Variants in ERI3 observed in about 807,000 individuals in gnomAD.
The protein encoded by ERI3 is ERI1 exoribonuclease 3.
Under a neutral mutation model 44.4 loss-of-function variants are expected in ERI3, and 18 were observed. The ratio of observed to expected loss-of-function variants is 0.41; its 90% CI spans 0.28 to 0.60. The LOEUF is 0.60. Among genes scored for constraint, ERI3 ranks in the 20% least tolerant of loss-of-function variants. ERI3 has a pLI of 0.36. For synonymous variants in ERI3, 183 were observed against 164.8 expected, an observed-to-expected ratio of 1.11 and a Z score of -0.84; for missense variants, 294 against 435.5, an observed-to-expected ratio of 0.68 and a Z score of 2.89.
intron 5 of ERI3, among the ~76,000 whole-genome samples, chr1:44,312,352 C>T (rs919237933): frequency 6.6e-6 from 1 of 152,144 alleles, no homozygotes; most frequent in Non-Finnish European, 1.5e-5. Context: ...TTTTTCTCTT[C>T]TCCCCTCCCC....
At chr1:44,337,935 T>C (rs1014680978) in intron 3 of ERI3, among the ~76,000 whole-genome samples, 3 of 152,050 alleles carry the variant, frequency 2.0e-5, no homozygotes, top group African/African-American at 7.2e-5. Context: ...CCTAACCCTA[T>C]AGAGAAGAGT....
At chr1:44,347,118 TCCC>T (rs1316191241) in intron 2 of ERI3, among the ~76,000 whole-genome samples, 1 of 152,110 alleles carries the variant, frequency 6.6e-6, no homozygotes, top group Non-Finnish European at 1.5e-5. Flanking sequence ...GGCCCACATT[TCCC>T]CACATGACTG....
At chr1:44,348,628 CA>C (rs1289784526) in intron 2 of ERI3, among the ~76,000 whole-genome samples, 1 of 152,302 alleles carries the variant, frequency 6.6e-6, no homozygotes, top group Admixed American at 6.5e-5. Flanking sequence ...GTCTGCTTCC[CA>C]ACAGTTCTGG....
chr1:44,254,950 TA>T, intron 7 of ERI3, among the ~76,000 whole-genome samples: 1 of 151,932 alleles, frequency 6.6e-6, no homozygotes, highest in East Asian at 1.9e-4. Context: ...GCTTCTTCAT[TA>T]ACATTCAAGC....
chr1:44,280,355 C>G (rs1304314475), intron 7 of ERI3, among the ~76,000 whole-genome samples: 2 of 152,170 alleles, frequency 1.3e-5, no homozygotes, highest in Non-Finnish European at 2.9e-5. Context: ...ATTTAATACT[C>G]AGGAATTGGC....
rs528730718 is a variant in ERI3, at chr1:44,305,389, T to C, written c.758+2921A>G. Reference sequence around the variant, plus strand: ...AGCAGAGAAACAACACCAAACCCTATGGGAAGCTTCAAGAAACACCAAGCA... The same window carrying C: ...AGCAGAGAAACAACACCAAACCCTACGGGAAGCTTCAAGAAACACCAAGCA... On this transcript the variant is annotated intron_variant, in intron 6 of 8. Transcript: ENST00000372257. Among the ~76,000 whole-genome samples, 7 of 152,110 alleles carry C rather than the reference T, an allele frequency of 4.6e-5. No individual in the cohort carries two copies. The South Asian group carries it at 1.2e-3, about 27-fold the overall frequency.
intron 6 of ERI3, among the ~76,000 whole-genome samples, chr1:44,297,981 T>A (rs1645646037): frequency 1.3e-5 from 2 of 152,188 alleles, no homozygotes; most frequent in African/African-American, 4.8e-5. Context: ...CCTAGAGAAG[T>A]CCTGCCAAGG....
chr1:44,352,288 C>T (rs572151747), intron 2 of ERI3, among the ~76,000 whole-genome samples: 4 of 152,280 alleles, frequency 2.6e-5, no homozygotes, highest in African/African-American at 9.6e-5. Flanking sequence ...AATACATTAG[C>T]AAAAGCCAAA....
chr1:44,257,936 A>G (rs1644812926), intron 7 of ERI3, among the ~76,000 whole-genome samples: 1 of 152,120 alleles, frequency 6.6e-6, no homozygotes, highest in Non-Finnish European at 1.5e-5. Flanking sequence ...AAAACAGTCT[A>G]AGTTCTTATG....
Position 44,332,349 on chromosome 1 carries a change from GATA to G in ERI3, c.489+6693_489+6695del, listed in dbSNP as rs560570351. Among the ~76,000 whole-genome samples, 8 of 152,244 alleles carry G rather than the reference GATA, an allele frequency of 5.3e-5. No homozygotes were observed. In the South Asian group the frequency reaches 1.5e-3, roughly 28 times the overall value. ...ATCTCAGCCCTGGGGAGGCCATCAG[GATA>G]ATAAGAGGCTAGGGGGGATGTTTCC... On this transcript the variant is annotated intron_variant, in intron 3 of 8. Coordinates refer to ENST00000372257, the MANE Select transcript of ERI3 (RefSeq NM_024066.3).
intron 3 of ERI3, among the ~76,000 whole-genome samples, chr1:44,323,579 A>G (rs1646246974): frequency 6.6e-6 from 1 of 152,334 alleles, no homozygotes; most frequent in African/African-American, 2.4e-5. Flanking sequence ...GAGATGCTCA[A>G]GTCTGGGCAA....
intron 3 of ERI3, among the ~76,000 whole-genome samples, chr1:44,337,787 A>C (rs1646564576): frequency 6.6e-6 from 1 of 152,170 alleles, no homozygotes; most frequent in African/African-American, 2.4e-5. Flanking sequence ...CATGACAGAC[A>C]AACCCAGTTT....
chr1:44,299,712 A>T (rs764899621), intron 6 of ERI3, among the ~76,000 whole-genome samples: 4 of 152,034 alleles, frequency 2.6e-5, no homozygotes, highest in Non-Finnish European at 5.9e-5. Context: ...CAAAATACAA[A>T]AGAGTAGAGC....
chr1:44,226,593 T>TG (rs1286524530), intron 8 of ERI3, among the ~76,000 whole-genome samples: 1 of 151,758 alleles, frequency 6.6e-6, no homozygotes, highest in Non-Finnish European at 1.5e-5. Flanking sequence ...CAGTCCTTAA[T>TG]GGGGGGATTA....
At chr1:44,336,698 C>A (rs1428179218) in intron 3 of ERI3, among the ~76,000 whole-genome samples, 1 of 152,234 alleles carries the variant, frequency 6.6e-6, no homozygotes, top group East Asian at 1.9e-4. Context: ...ACTAACGGGT[C>A]TATAATTTCC....
intron 8 of ERI3, among the ~76,000 whole-genome samples, chr1:44,227,563 T>C (rs892680944): frequency 6.6e-6 from 1 of 152,194 alleles, no homozygotes; most frequent in Non-Finnish European, 1.5e-5. Flanking sequence ...ACTATATTTT[T>C]TATACTAAAA....
chr1:44,225,947 ACT>A (rs1256480818), intron 8 of ERI3, among the ~76,000 whole-genome samples: 1 of 151,968 alleles, frequency 6.6e-6, no homozygotes, highest in African/African-American at 2.4e-5. Context: ...GATGTGCAAG[ACT>A]CTGTAGCTCC....
At chr1:44,310,951 T>TTGCGCG (rs1553195164) in intron 5 of ERI3, among the ~76,000 whole-genome samples, 1 of 95,026 alleles carries the variant, frequency 1.1e-5, no homozygotes, top group African/African-American at 4.2e-5. Flanking sequence ...TATGTGCACA[T>TTGCGCG]CGCGCGCGCG....
chr1:44,351,556 A>G (rs1170978204), intron 2 of ERI3, among the ~76,000 whole-genome samples: 1 of 152,242 alleles, frequency 6.6e-6, no homozygotes, highest in Non-Finnish European at 1.5e-5. Flanking sequence ...AGAGTTTAGT[A>G]GAGTTGAGAA....
Sources: allele counts gnomAD v4.1 joint callset (sites outside exome capture counted in the v4.1 genomes callset), GRCh38; gene constraint gnomAD v4.1.1; transcripts MANE v1.5; gene names NCBI Gene and HGNC (gene_info 2026-07-23, HGNC 2026-07-21).